The following SCG5 variants were observed in gnomAD, a reference collection of about 807,000 sequenced individuals.
SCG5 encodes secretogranin V, also known as neuroendocrine protein 7B2.
A neutral mutation model predicts 25.7 loss-of-function variants in SCG5; 18 were observed. The ratio of observed to expected loss-of-function variants is 0.70; its 90% CI spans 0.48 to 1.04. The LOEUF (loss-of-function observed/expected upper bound fraction) is 1.04. SCG5 is among the 50% of genes least tolerant of loss of function. The pLI, the probability that SCG5 is intolerant of heterozygous loss-of-function variation, is 0.00. For missense variants in SCG5, 206 were observed against 259.8 expected (o/e 0.79, Z 1.42); for synonymous variants, 101 against 91.7 (o/e 1.10, Z -0.58).
intron 4 of SCG5, among the ~76,000 whole-genome samples, chr15:32,687,125 G>A (rs1297580064): frequency 1.3e-5 from 2 of 152,164 alleles, no homozygotes; most frequent in African/African-American, 4.8e-5. Context: ...CCAGTTGGTG[G>A]CATGATGAGG....
At chr15:32,664,404 C>G (rs756967194) in intron 2 of SCG5, among the ~76,000 whole-genome samples, 8 of 152,142 alleles carry the variant, frequency 5.3e-5, no homozygotes, top group Non-Finnish European at 1.2e-4. Flanking sequence ...CCTCGTTTGT[C>G]CATGGCTACA....
Position 32,679,858 on chromosome 15 carries a change from T to G in SCG5, c.319T>G (p.Phe107Val), listed in dbSNP as rs752763270. The change falls in exon 3 of 6, where the codon TTT becomes GTT. Residue 107 changes from phenylalanine (F) to valine (V), a missense_variant. Phe to Val is a conservative substitution (Grantham distance 50). Coordinates refer to ENST00000300175, the MANE Select transcript of SCG5 (RefSeq NM_001144757.3). Reference sequence around the variant, plus strand: ...GACTGGAGACAACATTCCTAAGGACTTTAGTGAGGATCAGGGGTACCCAGA... The same window carrying G: ...GACTGGAGACAACATTCCTAAGGACGTTAGTGAGGATCAGGGGTACCCAGA... Reference protein sequence around the residue: ...ELTGDNIPKDFSEDQGYPDPP... With the variant: ...ELTGDNIPKDVSEDQGYPDPP... 11 of 1,613,836 alleles carry G rather than the reference T, an allele frequency of 6.8e-6. No homozygotes were observed. The highest frequency in any genetic ancestry group is 1.7e-5 in the Admixed American group (1 of 60,004).
intron 4 of SCG5, among the ~76,000 whole-genome samples, chr15:32,686,972 T>A (rs1463859579): frequency 6.6e-6 from 1 of 151,958 alleles, no homozygotes; most frequent in Admixed American, 6.6e-5. Flanking sequence ...CTGATTGGGG[T>A]AGTAGCCACA....
intron 2 of SCG5, among the ~76,000 whole-genome samples, chr15:32,668,722 A>G (rs560836598): frequency 1.5e-4 from 23 of 152,052 alleles, no homozygotes; most frequent in African/African-American, 5.5e-4. Context: ...CTCAACAGAA[A>G]CCATCAGAGA....
At chr15:32,673,990 A>G (rs2054488008) in intron 2 of SCG5, among the ~76,000 whole-genome samples, 1 of 152,194 alleles carries the variant, frequency 6.6e-6, no homozygotes, top group Non-Finnish European at 1.5e-5. Context: ...AAGTGCTGGC[A>G]TTATAGGTGT....
intron 2 of SCG5, among the ~76,000 whole-genome samples, chr15:32,674,534 T>C (rs1224433084): frequency 6.6e-6 from 1 of 152,190 alleles, no homozygotes; most frequent in African/African-American, 2.4e-5. Flanking sequence ...TTCAAAATCA[T>C]AGAGACAGGA....
At chr15:32,684,496 TA>T in intron 3 of SCG5, 60 bp from the exon 4 acceptor site, 1 of 1,070,620 alleles carries the variant, frequency 9.3e-7, no homozygotes, top group Non-Finnish European at 1.4e-6. Flanking sequence ...TTTGATAAAT[TA>T]ACTCTTAGAA....
At chr15:32,663,991 T>G (rs551906830) in intron 2 of SCG5, among the ~76,000 whole-genome samples, 1 of 131,320 alleles carries the variant, frequency 7.6e-6, no homozygotes, top group Admixed American at 7.3e-5. Flanking sequence ...CTGGAAAATA[T>G]CTCCCATGTG....
chr15:32,696,369 G>A (rs183180021), intron 5 of SCG5, 145 bp from the exon 6 acceptor site: 17 of 556,216 alleles, frequency 3.1e-5, no homozygotes, highest in East Asian at 1.6e-4. Context: ...TGCCCACCTC[G>A]GCCTCCCAAA....
chr15:32,642,571 A>C (rs1411462475), intron 1 of SCG5, among the ~76,000 whole-genome samples: 1 of 135,490 alleles, frequency 7.4e-6, no homozygotes, highest in Non-Finnish European at 1.5e-5. Flanking sequence ...TCCGTCTCAA[A>C]AAAAAAAAAA....
intron 2 of SCG5, among the ~76,000 whole-genome samples, chr15:32,651,504 G>T (rs1270130893): frequency 1.3e-5 from 2 of 152,240 alleles, no homozygotes. Flanking sequence ...TTTCTGGCTA[G>T]TCTCTCTCTG....
chr15:32,675,740 G>C (rs527658330), intron 2 of SCG5, among the ~76,000 whole-genome samples: 30 of 152,116 alleles, frequency 2.0e-4, no homozygotes, highest in African/African-American at 7.2e-4. Flanking sequence ...GCCGTATCCT[G>C]GTTACATTAT....
chr15:32,673,273 G>C (rs1331342291), intron 2 of SCG5: 1 of 152,198 alleles, frequency 6.6e-6, no homozygotes, highest in Admixed American at 6.5e-5. Flanking sequence ...AGACTTTTAA[G>C]AAGGTTCTTA....
At chr15:32,643,155 T>G (rs2053892841) in intron 1 of SCG5, among the ~76,000 whole-genome samples, 2 of 152,224 alleles carry the variant, frequency 1.3e-5, no homozygotes, top group African/African-American at 4.8e-5. Flanking sequence ...CTCCCTCCTG[T>G]TAGACTTTTA....
At chr15:32,678,310 C>A (rs1027193199) in intron 2 of SCG5, among the ~76,000 whole-genome samples, 7 of 152,068 alleles carry the variant, frequency 4.6e-5, no homozygotes, top group African/African-American at 1.7e-4. Context: ...AATGCGACAG[C>A]CAAAGGCCTT....
chr15:32,666,675 C>T (rs2054322829), intron 2 of SCG5, among the ~76,000 whole-genome samples: 1 of 152,188 alleles, frequency 6.6e-6, no homozygotes, highest in Non-Finnish European at 1.5e-5. Context: ...AAAGTGACCA[C>T]CCTAGCTAAC....
At chr15:32,655,792 T>C (rs1956279989) in intron 2 of SCG5, among the ~76,000 whole-genome samples, 1 of 152,176 alleles carries the variant, frequency 6.6e-6, no homozygotes, top group Admixed American at 6.5e-5. Flanking sequence ...GAACAGGCCC[T>C]CACCAGACAC....
intron 2 of SCG5, among the ~76,000 whole-genome samples, chr15:32,654,074 G>A (rs2054075399): frequency 6.6e-6 from 1 of 152,296 alleles, no homozygotes; most frequent in East Asian, 1.9e-4. Context: ...AGGCAAGGAG[G>A]GTGAGTATTC....
intron 2 of SCG5, among the ~76,000 whole-genome samples, chr15:32,659,599 G>A (rs896886731): frequency 6.6e-6 from 1 of 152,218 alleles, no homozygotes; most frequent in Non-Finnish European, 1.5e-5. Context: ...GCATGAGACA[G>A]AGGTTATGGC....
Sources: gnomAD v4.1 joint callset for allele counts (sites outside exome capture counted in the v4.1 genomes callset) on GRCh38, gnomAD v4.1.1 for gene constraint, MANE v1.5 for transcripts, NCBI Gene and HGNC (gene_info 2026-07-23, HGNC 2026-07-21) for gene names.